The following ABHD6 variants were observed in gnomAD, a reference collection of about 807,000 sequenced individuals.
ABHD6 encodes the protein abhydrolase domain containing 6, acylglycerol lipase.
In ABHD6, 33 loss-of-function variants were observed where a neutral mutation model predicts 38.8. That is an observed-to-expected ratio of 0.85 (90% CI 0.64 to 1.14). The LOEUF (loss-of-function observed/expected upper bound fraction) is 1.14. ABHD6 is among the 50% of genes most tolerant of loss of function. The pLI, the probability that ABHD6 is intolerant of heterozygous loss-of-function variation, is 0.00. For synonymous variants in ABHD6, 147 were observed against 161.6 expected (o/e 0.91, Z 0.69); for missense variants, 380 against 422.6 (o/e 0.90, Z 0.88).
intron 1 of ABHD6, among the ~76,000 whole-genome samples, chr3:58,241,995 G>C (rs1406402315): frequency 6.6e-6 from 1 of 152,198 alleles, no homozygotes; most frequent in African/African-American, 2.4e-5. Context: ...CCAGGTTGTT[G>C]AGCTGCAAAA....
At chr3:58,286,870 G>GTGTATATATATATGTATATATATATA (rs2097457742) in intron 9 of ABHD6, among the ~76,000 whole-genome samples, 1 of 75,042 alleles carries the variant, frequency 1.3e-5, no homozygotes, top group African/African-American at 4.3e-5. Flanking sequence ...ATATATATAT[G>GTGTATATATATATGTATATATATATA]TATATGTATA....
At chr3:58,277,473 C>A (rs2097449602) in intron 7 of ABHD6, among the ~76,000 whole-genome samples, 1 of 152,292 alleles carries the variant, frequency 6.6e-6, no homozygotes, top group African/African-American at 2.4e-5. Flanking sequence ...TATCCTGAGA[C>A]TTTGCTGAAG....
intron 7 of ABHD6, among the ~76,000 whole-genome samples, chr3:58,282,639 G>A (rs1263992587): frequency 6.6e-6 from 1 of 152,156 alleles, no homozygotes; most frequent in East Asian, 1.9e-4. Context: ...GGGAGGCTGA[G>A]GTGAGAGGAT....
Position 58,273,564 on chromosome 3 carries a change from T to C in ABHD6, c.524-1094T>C, listed in dbSNP as rs1015763431. ...GCAGCCATAAAAAAGAATGATTTCA[T>C]GTCCTTTGCAAGGACATGGATGAAG... On this transcript the variant is annotated intron_variant, in intron 6 of 9. Coordinates refer to ENST00000478253, the MANE Select transcript of ABHD6 (RefSeq NM_001320126.2). The surrounding 1 kb of genome is among the most constrained non-coding windows in gnomAD (Gnocchi z 4.8). 6.6e-6 allele frequency among the ~76,000 whole-genome samples: 1 copy of C among 152,194 alleles called. No individual in the cohort carries two copies. Among genetic ancestry groups the C allele is most frequent in the Admixed American group, 6.5e-5 (1 of 15,282 alleles).
intron 9 of ABHD6, among the ~76,000 whole-genome samples, chr3:58,290,819 A>T (rs1482278473): frequency 8.6e-6 from 1 of 115,702 alleles, no homozygotes; most frequent in Non-Finnish European, 1.8e-5. Context: ...CCTAGATGGG[A>T]TGGCGGCCGG....
At chr3:58,260,498 G>C (rs901150777) in intron 3 of ABHD6, among the ~76,000 whole-genome samples, 1 of 152,168 alleles carries the variant, frequency 6.6e-6, no homozygotes, top group African/African-American at 2.4e-5. Context: ...CACTTCCTCC[G>C]CATCACTGAA....
At chr3:58,286,876 G>GTGTATATATATATATATATA (rs1559784545) in intron 9 of ABHD6, among the ~76,000 whole-genome samples, 13 of 42,076 alleles carry the variant, frequency 3.1e-4, no homozygotes, top group Admixed American at 1.2e-3. Context: ...ATATGTATAT[G>GTGTATATATATATATATATA]TATATATAAG....
At chr3:58,268,055 A>G (rs1206483589) in intron 4 of ABHD6, among the ~76,000 whole-genome samples, 1 of 152,252 alleles carries the variant, frequency 6.6e-6, no homozygotes, top group Non-Finnish European at 1.5e-5. Context: ...AGCCTGAGCA[A>G]CAGGAGTGAG....
At chr3:58,283,369 G>C (rs1322559289) in intron 7 of ABHD6, among the ~76,000 whole-genome samples, 2 of 152,214 alleles carry the variant, frequency 1.3e-5, no homozygotes, top group Non-Finnish European at 2.9e-5. Context: ...TCCTAGGAGA[G>C]AAGGAGCACC....
At chr3:58,247,958 C>G (rs1368128665) in intron 1 of ABHD6, among the ~76,000 whole-genome samples, 1 of 152,244 alleles carries the variant, frequency 6.6e-6, no homozygotes, top group East Asian at 1.9e-4. Context: ...CCTCTCATCT[C>G]TGTCCCCAGC....
intron 6 of ABHD6, among the ~76,000 whole-genome samples, chr3:58,272,696 A>AG (rs1187609683): frequency 6.6e-5 from 10 of 152,196 alleles, no homozygotes; most frequent in Admixed American, 5.2e-4. Context: ...TTTCAAGTAT[A>AG]GGTTCATTTG....
At position 58,256,630 on chromosome 3, in the gene ABHD6, C is replaced by T. The variant is rs149534483; in HGVS notation, c.44C>T (p.Thr15Met). The change falls in exon 3 of 10, where the codon ACG becomes ATG. Residue 15 changes from threonine (T) to methionine (M), a missense_variant. By Grantham distance (81) the Thr-to-Met change is moderately conservative. Coordinates refer to ENST00000478253, the MANE Select transcript of ABHD6 (RefSeq NM_001320126.2). The surrounding 1 kb of genome is among the most constrained non-coding windows in gnomAD (Gnocchi z 4.3). ...VVNMFVIAGGTLAIPILAFVA... is the reference protein window; with the variant it reads ...VVNMFVIAGGMLAIPILAFVA... Reference sequence around the variant, plus strand: ...AACATGTTTGTGATTGCGGGCGGCACGCTGGCCATCCCAATCCTGGCATTT... The same window carrying T: ...AACATGTTTGTGATTGCGGGCGGCATGCTGGCCATCCCAATCCTGGCATTT... 12 of 1,613,974 alleles carry T rather than the reference C, an allele frequency of 7.4e-6. No homozygotes were observed. The highest frequency in any genetic ancestry group is 5.3e-5 in the African/African-American group (4 of 75,040).
chr3:58,246,776 T>C (rs1575512926), intron 1 of ABHD6, among the ~76,000 whole-genome samples: 1 of 152,192 alleles, frequency 6.6e-6, no homozygotes, highest in Admixed American at 6.5e-5. Flanking sequence ...CGTTTATCAT[T>C]TGAAAAATTT....
At chr3:58,253,744 AG>A (rs149571922) in intron 2 of ABHD6, among the ~76,000 whole-genome samples, 267 of 152,360 alleles carry the variant, frequency 1.8e-3, no homozygotes, top group African/African-American at 6.1e-3. Flanking sequence ...AAGGAGAAGC[AG>A]GCCAATGATT....
chr3:58,281,989 A>G (rs183912431), intron 7 of ABHD6, among the ~76,000 whole-genome samples: 7 of 152,270 alleles, frequency 4.6e-5, no homozygotes, highest in Admixed American at 4.6e-4. Context: ...GAAAACTCAG[A>G]AGATTCCAAA....
Position 58,273,222 on chromosome 3 carries a change from C to T in ABHD6, c.524-1436C>T, listed in dbSNP as rs2097446280. Among the ~76,000 whole-genome samples the T allele has an allele frequency of 6.6e-6, 1 of 152,064 alleles. No homozygotes were observed. The highest frequency in any genetic ancestry group is 2.4e-5 in the African/African-American group (1 of 41,394). On this transcript the variant is annotated intron_variant, in intron 6 of 9. Coordinates refer to ENST00000478253, the MANE Select transcript of ABHD6 (RefSeq NM_001320126.2). This position sits in a 1 kb window ranked among gnomAD's most constrained non-coding sequence, Gnocchi z 4.8. Reference sequence around the variant, plus strand: ...CAAAGCGTGGGTTTCTGCATCACGACCAATATTATTGATGCTACTGCCTTT... The same window carrying T: ...CAAAGCGTGGGTTTCTGCATCACGATCAATATTATTGATGCTACTGCCTTT...
intron 1 of ABHD6, among the ~76,000 whole-genome samples, chr3:58,247,766 G>A (rs2097427427): frequency 6.6e-6 from 1 of 152,118 alleles, no homozygotes; most frequent in Admixed American, 6.6e-5. Context: ...GTGGAGTCAG[G>A]GTTTCACCGT....
intron 1 of ABHD6, among the ~76,000 whole-genome samples, chr3:58,244,002 T>G (rs1461983244): frequency 6.6e-6 from 1 of 152,208 alleles, no homozygotes; most frequent in Non-Finnish European, 1.5e-5. Context: ...TTAATGGACT[T>G]GCCATGTGCA....
intron 9 of ABHD6, among the ~76,000 whole-genome samples, chr3:58,286,297 G>A (rs2097456950): frequency 6.6e-6 from 1 of 152,124 alleles, no homozygotes; most frequent in Non-Finnish European, 1.5e-5. Context: ...GGGATTACAG[G>A]CGTGAGCCAC....
Sources: gnomAD v4.1 joint callset for allele counts (sites outside exome capture counted in the v4.1 genomes callset) on GRCh38, gnomAD v4.1.1 for gene constraint, Gnocchi (gnomAD v3.1) non-coding constraint, MANE v1.5 for transcripts, NCBI Gene and HGNC (gene_info 2026-07-23, HGNC 2026-07-21) for gene names.